Variants in RANBP2 observed in about 807,000 individuals in gnomAD.
RANBP2 encodes the protein RAN binding protein 2, also known as E3 SUMO-protein ligase RanBP2.
Under a neutral mutation model 303.6 loss-of-function variants are expected in RANBP2, and 57 were observed. The observed-to-expected ratio is 0.19, with a 90% confidence interval of 0.15 to 0.23. The LOEUF is 0.23. Among genes scored for constraint, RANBP2 ranks in the 10% least tolerant of loss-of-function variants. The probability of loss-of-function intolerance (pLI) is 1.00; values close to 1 mark genes in which losing one functional copy is unlikely to be tolerated. For synonymous variants in RANBP2, 1,167 were observed against 1,301.5 expected, an observed-to-expected ratio of 0.90 and a Z score of 2.23; for missense variants, 3,138 against 3,780.8, an observed-to-expected ratio of 0.83 and a Z score of 4.46.
chr2:108,954,853 C>T, the RANBP2 span, among the ~76,000 whole-genome samples: 1,289 of 151,994 alleles, frequency 8.5e-3, 8 homozygotes, highest in South Asian at 0.029. Context: ...TTTTTGTATA[C>T]ATGTATTTTT....
chr2:109,331,319 A>G, the RANBP2 span, among the ~76,000 whole-genome samples: 1 of 152,186 alleles, frequency 6.6e-6, no homozygotes, highest in South Asian at 2.1e-4. Flanking sequence ...CCTCATTTGC[A>G]ATCAATTAAC....
the RANBP2 span, among the ~76,000 whole-genome samples, chr2:109,186,802 C>T: frequency 6.6e-6 from 1 of 152,178 alleles, no homozygotes; most frequent in Non-Finnish European, 1.5e-5. Context: ...GCCTTAGGTT[C>T]CACCTACAAC....
the RANBP2 span, chr2:108,873,692 G>A: frequency 1.5e-6 from 1 of 679,524 alleles, no homozygotes; most frequent in Non-Finnish European, 2.4e-6. Flanking sequence ...CACACTGGAT[G>A]AAGAAGAATT....
the RANBP2 span, among the ~76,000 whole-genome samples, chr2:109,127,022 C>T: frequency 6.6e-6 from 1 of 152,180 alleles, no homozygotes; most frequent in Non-Finnish European, 1.5e-5. Flanking sequence ...AACATGTTTC[C>T]ATGCACTGCG....
At chr2:109,579,466 C>T in the RANBP2 span, among the ~76,000 whole-genome samples, 1 of 150,932 alleles carries the variant, frequency 6.6e-6, no homozygotes, top group Non-Finnish European at 1.5e-5. Flanking sequence ...TCACTGCAAA[C>T]TCTGCCTCCT....
chr2:109,104,632 C>A, the RANBP2 span, among the ~76,000 whole-genome samples: 2 of 151,902 alleles, frequency 1.3e-5, no homozygotes, highest in African/African-American at 4.8e-5. Context: ...TGCAGGCGCC[C>A]GCCACCATGC....
At chr2:109,113,880 C>A in the RANBP2 span, among the ~76,000 whole-genome samples, 1 of 152,198 alleles carries the variant, frequency 6.6e-6, no homozygotes, top group Non-Finnish European at 1.5e-5. Context: ...TCTTCTGCAT[C>A]TATTGAGATA....
the RANBP2 span, among the ~76,000 whole-genome samples, chr2:109,671,431 G>A: frequency 3.3e-5 from 5 of 152,118 alleles, no homozygotes; most frequent in Non-Finnish European, 7.4e-5. Context: ...CTGGGGGCTG[G>A]GAAGGGGGAG....
chr2:108,946,385 A>C, the RANBP2 span, among the ~76,000 whole-genome samples: 4 of 152,242 alleles, frequency 2.6e-5, no homozygotes, highest in Admixed American at 2.6e-4. Flanking sequence ...AGACTTGCAG[A>C]GCTGAATTAT....
the RANBP2 span, among the ~76,000 whole-genome samples, chr2:108,830,056 T>G: frequency 5.9e-5 from 9 of 152,138 alleles, no homozygotes; most frequent in Non-Finnish European, 1.2e-4. Flanking sequence ...AAACAAGATG[T>G]GGTATATACA....
the RANBP2 span, among the ~76,000 whole-genome samples, chr2:109,475,580 G>A: frequency 1.3e-5 from 2 of 152,234 alleles, no homozygotes; most frequent in African/African-American, 4.8e-5. Flanking sequence ...CTGCCCTGTA[G>A]CCAGGGCTTC....
chr2:108,845,903 A>G, the RANBP2 span, among the ~76,000 whole-genome samples: 1 of 152,260 alleles, frequency 6.6e-6, no homozygotes, highest in East Asian at 1.9e-4. Flanking sequence ...ATCAAATACC[A>G]TTAGATCATA....
At chr2:109,241,768 A>ATT in the RANBP2 span, among the ~76,000 whole-genome samples, 3 of 143,464 alleles carry the variant, frequency 2.1e-5, no homozygotes, top group African/African-American at 2.6e-5. Flanking sequence ...GTCTTGAATA[A>ATT]TTTTTTTTTT....
the RANBP2 span, among the ~76,000 whole-genome samples, chr2:109,323,494 A>C: frequency 6.6e-6 from 1 of 152,202 alleles, no homozygotes; most frequent in Non-Finnish European, 1.5e-5. Context: ...TCTGTTAGTG[A>C]TTGGTAGCAT....
chr2:109,383,347 G>A, the RANBP2 span, among the ~76,000 whole-genome samples: 1 of 152,142 alleles, frequency 6.6e-6, no homozygotes, highest in Non-Finnish European at 1.5e-5. Context: ...TTATTCCAGA[G>A]CAGCCCATCT....
the RANBP2 span, among the ~76,000 whole-genome samples, chr2:109,018,841 G>T: frequency 2.0e-5 from 3 of 152,232 alleles, no homozygotes; most frequent in African/African-American, 7.2e-5. Context: ...CACATTTGCT[G>T]GTTGGATTAC....
At chr2:109,400,569 C>T in the RANBP2 span, among the ~76,000 whole-genome samples, 1 of 118,196 alleles carries the variant, frequency 8.5e-6, no homozygotes, top group Admixed American at 7.9e-5. Context: ...ACATACACAC[C>T]TGTGCGCACA....
chr2:109,553,288 T>C, the RANBP2 span: 2 of 1,539,002 alleles, frequency 1.3e-6, no homozygotes, highest in Non-Finnish European at 1.8e-6. Context: ...CTCACGCCTG[T>C]AATCCCAACA....
chr2:108,929,073 C>G, the RANBP2 span: 4 of 1,138,244 alleles, frequency 3.5e-6, no homozygotes, highest in Non-Finnish European at 3.9e-6. Context: ...GGGACCAAGG[C>G]CAGGTGTGCG....
Sources: gnomAD v4.1 joint callset for allele counts (sites outside exome capture counted in the v4.1 genomes callset) on GRCh38, gnomAD v4.1.1 for gene constraint, MANE v1.5 for transcripts, NCBI Gene and HGNC (gene_info 2026-07-23, HGNC 2026-07-21) for gene names.